Variants in C10orf105 observed in about 807,000 individuals in gnomAD.
C10orf105 encodes uncharacterized protein C10orf105.
A neutral mutation model predicts 0.6 loss-of-function variants in C10orf105; 2 were observed. The observed-to-expected ratio is 3.18, with a 90% confidence interval of 1.30 to 10.01. The LOEUF (loss-of-function observed/expected upper bound fraction) is 10.01. C10orf105 is among the 30% of genes most tolerant of loss of function. The pLI, the probability that C10orf105 is intolerant of heterozygous loss-of-function variation, is 0.04. For missense variants in C10orf105, 209 were observed against 191.4 expected, an observed-to-expected ratio of 1.09 and a Z score of -0.54; for synonymous variants, 95 against 82.4, an observed-to-expected ratio of 1.15 and a Z score of -0.83.
In C10orf105 at chr10:71,716,028, G is replaced by A. The variant is rs945675362; in HGVS notation, c.310C>T (p.Arg104Cys). 59 of 1,502,762 alleles carry A rather than the reference G, an allele frequency of 3.9e-5. No homozygotes were observed. The highest frequency in any genetic ancestry group is 3.2e-4 in the African/African-American group (23 of 71,374). The allele number at this position is 1,502,762 out of a possible 1,614,324, so 93.1% of individuals were successfully genotyped here. A position where few individuals can be genotyped will look rare whatever the true frequency, so the allele number is the denominator to read the frequency against. ...CGAGGGACGGTGGGCCGGCCATGGCGGAAGCTGTGCAGGGAGAGGCGCAAG... is the reference window on the plus strand; with the variant it reads ...CGAGGGACGGTGGGCCGGCCATGGCAGAAGCTGTGCAGGGAGAGGCGCAAG... ...GSLRLSLHSF[R>C]HGRPTVPRQP... Residue 104 changes from arginine to cysteine, a missense_variant, in exon 2 of 2, where the codon CGC becomes TGC. Arg to Cys is a radical substitution (Grantham distance 180). Coordinates refer to ENST00000441508, the MANE Select transcript of C10orf105 (RefSeq NM_001164375.3).
At chr10:71,735,298 A>G (rs1839527766) in intron 1 of C10orf105, among the ~76,000 whole-genome samples, 1 of 152,134 alleles carries the variant, frequency 6.6e-6, no homozygotes, top group African/African-American at 2.4e-5. Flanking sequence ...GACAGCCTCT[A>G]AGTAAAGGCA....
At chr10:71,735,887 C>T (rs73275856) in intron 1 of C10orf105, among the ~76,000 whole-genome samples, 5,130 of 152,306 alleles carry the variant, frequency 0.034, 293 homozygotes, top group African/African-American at 0.11. Context: ...GCAGAGCGCT[C>T]GGGCAGTGGG....
upstream of C10orf105, among the ~76,000 whole-genome samples, chr10:71,720,077 G>A (rs1043459549): frequency 2.6e-5 from 4 of 152,164 alleles, no homozygotes; most frequent in South Asian, 2.1e-4. Flanking sequence ...TATGGTCGGC[G>A]GCAGCCAGAG....
rs772660092 is a variant in C10orf105, at chr10:71,732,048, C to T, written c.-6+5680G>A. On this transcript the variant is annotated intron_variant, in intron 1 of 1. Coordinates refer to the C10orf105 transcript ENST00000398786. ...GCGCAGAGGGGAAGTTTGAGATTGA[C>T]GAGAGCACAGGGCTTATCATCACCG... is the stretch of plus-strand genomic sequence containing the variant. 9 of 1,613,848 alleles carry T rather than the reference C, an allele frequency of 5.6e-6. No homozygotes were observed. Among genetic ancestry groups the T allele is most frequent in the Middle Eastern group, 1.6e-4 (1 of 6,084 alleles).
Position 71,712,581 on chromosome 10 carries a change from G to C in C10orf105, c.*3355C>G. 1 of 1,519,714 alleles carries C rather than the reference G, an allele frequency of 6.6e-7. No individual in the cohort carries two copies. Among genetic ancestry groups the C allele is most frequent in the South Asian group, 1.2e-5 (1 of 83,192 alleles). The allele number at this position is 1,519,714 out of a possible 1,614,324, so 94.1% of individuals were successfully genotyped here. ...GGCGGAACAGGGCACCTCTCTGGCC[G>C]GTGCCCGGGAGTGTGCAAAGTCACA... On this transcript the variant is annotated 3_prime_UTR_variant, in exon 2 of 2. Transcript: ENST00000441508.
At position 71,724,848 on chromosome 10, in the gene C10orf105, T is replaced by C. The variant is rs147366129; in HGVS notation, c.-5-8506A>G. Among the ~76,000 whole-genome samples the C allele has an allele frequency of 1.2e-4, 19 of 152,348 alleles. No homozygotes were observed. The East Asian group carries it at 3.1e-3, about 25-fold the overall frequency. On this transcript the variant is annotated intron_variant, in intron 1 of 1. Transcript: ENST00000398786. Reference sequence around the variant, plus strand: ...GTAAAGTCACTGCCCACAAATGTTATGGACTGACAGTAGAGGAGAGTAGAT... The same window carrying C: ...GTAAAGTCACTGCCCACAAATGTTACGGACTGACAGTAGAGGAGAGTAGAT...
chr10:71,712,927 G>A lies in C10orf105; in HGVS notation c.*3009C>T. On this transcript the variant is annotated 3_prime_UTR_variant, in exon 2 of 2. Transcript: ENST00000441508. ...GAGGCGGAAGCAGGTGGGGGCCCAGGGTGGGTCCGCTGCTCTGGAAGGTGC... is the reference window on the plus strand; with the variant it reads ...GAGGCGGAAGCAGGTGGGGGCCCAGAGTGGGTCCGCTGCTCTGGAAGGTGC... 1 of 1,280,450 alleles carries A rather than the reference G, an allele frequency of 7.8e-7. No individual in the cohort carries two copies. The highest frequency in any genetic ancestry group is 1.1e-6 in the Non-Finnish European group (1 of 903,982). The allele number at this position is 1,280,450 out of a possible 1,614,324, so 79.3% of individuals were successfully genotyped here.
intron 1 of C10orf105, among the ~76,000 whole-genome samples, chr10:71,719,239 CA>C (rs1866436999): frequency 6.6e-6 from 1 of 152,184 alleles, no homozygotes; most frequent in African/African-American, 2.4e-5. Flanking sequence ...GGCTACTGAC[CA>C]ACCAGCAAAG....
At chr10:71,732,236 T>A in intron 1 of C10orf105, 2 of 1,613,716 alleles carry the variant, frequency 1.2e-6, no homozygotes, top group Non-Finnish European at 1.7e-6. Context: ...GAGGCTGCCA[T>A]CCTGGAGAAT....
In C10orf105 at chr10:71,734,456, C is replaced by A. The variant is rs951388147; in HGVS notation, c.-6+3272G>T. 7 of 1,490,618 alleles carry A rather than the reference C, an allele frequency of 4.7e-6. No individual in the cohort carries two copies. The Admixed American group carries it at 7.8e-5, about 17-fold the overall frequency. 92.3% of individuals were successfully genotyped at this position (1,490,618 alleles called of 1,614,324 possible). On this transcript the variant is annotated intron_variant, in intron 1 of 1. Transcript: ENST00000398786. ...TATGGGCCAGGCAGCGGGCGAGGGT[C>A]TTGATAGCCTGAGGCTTCGCCATGT...
upstream of C10orf105, among the ~76,000 whole-genome samples, chr10:71,722,277 C>T (rs1285038784): frequency 6.6e-6 from 1 of 151,780 alleles, no homozygotes; most frequent in African/African-American, 2.4e-5. Context: ...CCTGTCTCTA[C>T]AAAAAAAATA....
chr10:71,712,576 T>A lies in C10orf105; in HGVS notation c.*3360A>T. Reference sequence around the variant, plus strand: ...GATGGGGCGGAACAGGGCACCTCTCTGGCCGGTGCCCGGGAGTGTGCAAAG... The same window carrying A: ...GATGGGGCGGAACAGGGCACCTCTCAGGCCGGTGCCCGGGAGTGTGCAAAG... On this transcript the variant is annotated 3_prime_UTR_variant, in exon 2 of 2. Coordinates refer to ENST00000441508, the MANE Select transcript of C10orf105 (RefSeq NM_001164375.3). 6.7e-7 allele frequency: 1 copy of A among 1,488,996 alleles called. No homozygotes were observed. The highest frequency in any genetic ancestry group is 9.2e-7 in the Non-Finnish European group (1 of 1,087,052). 92.2% of individuals were successfully genotyped at this position (1,488,996 alleles called of 1,614,324 possible).
chr10:71,728,751 C>G (rs1324259231), intron 1 of C10orf105, among the ~76,000 whole-genome samples: 1 of 152,214 alleles, frequency 6.6e-6, no homozygotes, highest in Non-Finnish European at 1.5e-5. Flanking sequence ...GTTCTGGGGC[C>G]AGCTCACCCC....
At chr10:71,729,709 T>C (rs1192779067) in intron 1 of C10orf105, among the ~76,000 whole-genome samples, 1 of 152,214 alleles carries the variant, frequency 6.6e-6, no homozygotes, top group Non-Finnish European at 1.5e-5. Context: ...ACCTCTATTT[T>C]CCAAGATATA....
intron 1 of C10orf105, among the ~76,000 whole-genome samples, chr10:71,718,188 G>T (rs1199359077): frequency 6.6e-6 from 1 of 152,194 alleles, no homozygotes; most frequent in Non-Finnish European, 1.5e-5. Context: ...AAGATGTCAG[G>T]TCACGCTCAG....
intron 1 of C10orf105, among the ~76,000 whole-genome samples, chr10:71,736,926 C>T (rs1014687288): frequency 6.6e-6 from 1 of 152,074 alleles, no homozygotes; most frequent in Non-Finnish European, 1.5e-5. Context: ...AAGCTGAGAG[C>T]GTCAGAATGC....
intron 1 of C10orf105, among the ~76,000 whole-genome samples, chr10:71,736,943 G>A (rs1839583689): frequency 6.6e-6 from 1 of 152,198 alleles, no homozygotes; most frequent in Non-Finnish European, 1.5e-5. Context: ...ATGCATGAGA[G>A]TTAACCCAGC....
intron 1 of C10orf105, chr10:71,734,350 G>T: frequency 6.3e-7 from 1 of 1,599,338 alleles, no homozygotes; most frequent in Non-Finnish European, 8.5e-7. Context: ...TGGTGAGTGG[G>T]ACCAGGGTGA....
chr10:71,724,581 C>T (rs772138435), upstream of C10orf105, among the ~76,000 whole-genome samples: 1 of 152,196 alleles, frequency 6.6e-6, no homozygotes, highest in Non-Finnish European at 1.5e-5. Context: ...GGATTACAGG[C>T]GTGAGCCACC....
Sources: allele counts gnomAD v4.1 joint callset (sites outside exome capture counted in the v4.1 genomes callset), GRCh38; gene constraint gnomAD v4.1.1; transcripts MANE v1.5; gene names NCBI Gene and HGNC (gene_info 2026-07-23, HGNC 2026-07-21).